GPHN: variants seen among roughly 807,000 people sequenced by gnomAD.
GPHN encodes gephyrin.
In GPHN, 17 loss-of-function variants were observed where a neutral mutation model predicts 95.5. The observed-to-expected ratio is 0.18, with a 90% CI of 0.12 to 0.27. The LOEUF (loss-of-function observed/expected upper bound fraction) is 0.27. Among genes scored for constraint, GPHN ranks in the 10% least tolerant of loss-of-function variants. The pLI, the probability that GPHN is intolerant of heterozygous loss-of-function variation, is 1.00. For missense variants in GPHN, 660 were observed against 978.1 expected, an observed-to-expected ratio of 0.67 and a Z score of 4.34; for synonymous variants, 320 against 322.5, an observed-to-expected ratio of 0.99 and a Z score of 0.08.
At chr14:66,872,766 G>A (rs1050472597) in intron 4 of GPHN, among the ~76,000 whole-genome samples, 8 of 151,772 alleles carry the variant, frequency 5.3e-5, no homozygotes, top group East Asian at 1.9e-4. Flanking sequence ...ATGGTGGTGC[G>A]CACCTGTAAT....
At chr14:67,146,017 A>C (rs1170818506) in intron 18 of GPHN, among the ~76,000 whole-genome samples, 1 of 152,238 alleles carries the variant, frequency 6.6e-6, no homozygotes, top group Non-Finnish European at 1.5e-5. Flanking sequence ...ACTGGTCTGC[A>C]CTGGATACAT....
At position 66,886,537 on chromosome 14, in the gene GPHN, AAAG is replaced by A. The variant is rs542368908; in HGVS notation, c.389+6510_389+6512del. On this transcript the variant is annotated intron_variant, in intron 5 of 22. Coordinates refer to ENST00000478722, the MANE Select transcript of GPHN (RefSeq NM_020806.5). ...AAAAACATGTATCCTTTAAAAAAAT[AAAG>A]AAGAAAAAAAAAAGAATAATGAAGA... is the stretch of plus-strand genomic sequence containing the variant. Among the ~76,000 whole-genome samples the A allele has an allele frequency of 1.6e-3, 241 of 152,234 alleles. 1 individual carries two copies. The Middle Eastern group carries it at 0.044, about 28-fold the overall frequency.
chr14:66,724,916 T>C (rs1032144992), intron 2 of GPHN, among the ~76,000 whole-genome samples: 14 of 152,152 alleles, frequency 9.2e-5, no homozygotes, highest in African/African-American at 2.9e-4. Context: ...GTACCTGATA[T>C]TGGAATTTTG....
chr14:67,573,239 T>C, the GPHN span: 4 of 1,336,792 alleles, frequency 3.0e-6, no homozygotes, highest in Non-Finnish European at 4.3e-6. The surrounding 1 kb of genome is among the most constrained non-coding windows in gnomAD (Gnocchi z 4.8). Flanking sequence ...CCCTGAGTGA[T>C]TTCCCCTTTC....
the GPHN span, among the ~76,000 whole-genome samples, chr14:67,702,925 C>A: frequency 6.6e-6 from 1 of 152,170 alleles, no homozygotes; most frequent in Non-Finnish European, 1.5e-5. Flanking sequence ...GTGATTCTCC[C>A]ACCTCAGCCT....
chr14:67,609,277 T>A, the GPHN span, among the ~76,000 whole-genome samples: 13 of 152,186 alleles, frequency 8.5e-5, no homozygotes, highest in Non-Finnish European at 1.5e-4. Flanking sequence ...TACTTACGCT[T>A]ACTGGTTTAT....
At chr14:66,525,625 G>C (rs2058659707) in intron 1 of GPHN, among the ~76,000 whole-genome samples, 2 of 152,088 alleles carry the variant, frequency 1.3e-5, no homozygotes, top group African/African-American at 4.8e-5. Flanking sequence ...TATGGTTTTA[G>C]GTCTTACATT....
intron 17 of GPHN, among the ~76,000 whole-genome samples, chr14:67,137,722 A>G (rs1403738249): frequency 6.6e-6 from 1 of 152,090 alleles, no homozygotes; most frequent in Non-Finnish European, 1.5e-5. Flanking sequence ...CTGTGATCAC[A>G]CCACTGCACT....
intron 10 of GPHN, among the ~76,000 whole-genome samples, chr14:67,057,414 G>GGGT (rs1555477491): frequency 6.6e-6 from 1 of 151,458 alleles, no homozygotes; most frequent in East Asian, 2.0e-4. Context: ...ACATGGGTGG[G>GGGT]GGGGGCAACA....
the GPHN span, among the ~76,000 whole-genome samples, chr14:67,724,817 G>A: frequency 7.2e-5 from 11 of 152,308 alleles, 1 homozygote; most frequent in South Asian, 2.3e-3. Flanking sequence ...GGAAAACGAT[G>A]TCTGTGTATA....
chr14:67,354,896 C>A, the GPHN span, among the ~76,000 whole-genome samples: 1 of 152,184 alleles, frequency 6.6e-6, no homozygotes, highest in Admixed American at 6.5e-5. Context: ...TCACTGCAAC[C>A]TCTGCCTCCC....
intron 3 of GPHN, among the ~76,000 whole-genome samples, chr14:66,798,777 C>T (rs1036116926): frequency 1.3e-5 from 2 of 151,156 alleles, no homozygotes; most frequent in African/African-American, 2.4e-5. Context: ...ATGTTTGTTT[C>T]ATTGATCTTT....
At chr14:67,277,256 T>C in the GPHN span, among the ~76,000 whole-genome samples, 1 of 120,874 alleles carries the variant, frequency 8.3e-6, no homozygotes, top group South Asian at 2.6e-4. Context: ...AGATCACAGT[T>C]AGAAAGAAGT....
At chr14:66,807,868 A>G (rs904486828) in intron 3 of GPHN, among the ~76,000 whole-genome samples, 9 of 152,230 alleles carry the variant, frequency 5.9e-5, no homozygotes, top group Non-Finnish European at 1.0e-4. Context: ...GCACATATGT[A>G]TGCATTCTTA....
At chr14:66,577,750 G>T (rs921542648) in intron 1 of GPHN, among the ~76,000 whole-genome samples, 1 of 151,840 alleles carries the variant, frequency 6.6e-6, no homozygotes, top group Non-Finnish European at 1.5e-5. Flanking sequence ...AAGGAATTTT[G>T]CATGAGGAGA....
At chr14:66,787,858 T>TTATATATATATATA (rs1555406304) in intron 3 of GPHN, among the ~76,000 whole-genome samples, 2 of 150,530 alleles carry the variant, frequency 1.3e-5, no homozygotes, top group African/African-American at 4.9e-5. Flanking sequence ...ATAAAAAGTA[T>TTATATATATATATA]TATATATATA....
intron 5 of GPHN, among the ~76,000 whole-genome samples, chr14:66,891,538 T>G (rs1361604439): frequency 6.6e-6 from 1 of 151,858 alleles, no homozygotes; most frequent in Non-Finnish European, 1.5e-5. Context: ...ACTAAAAAAC[T>G]CTTAGAAAAA....
intron 17 of GPHN, among the ~76,000 whole-genome samples, chr14:67,131,450 A>T (rs1567378552): frequency 6.6e-6 from 1 of 152,118 alleles, no homozygotes; most frequent in Non-Finnish European, 1.5e-5. Context: ...TTTCCATGAA[A>T]CCTAGAAACT....
chr14:66,644,519 C>A (rs2064621299), intron 1 of GPHN, among the ~76,000 whole-genome samples: 1 of 151,944 alleles, frequency 6.6e-6, no homozygotes, highest in Non-Finnish European at 1.5e-5. Flanking sequence ...TAGTAATAAA[C>A]ATAGTTATAG....
Sources: gnomAD v4.1 joint callset for allele counts (sites outside exome capture counted in the v4.1 genomes callset) on GRCh38, gnomAD v4.1.1 for gene constraint, Gnocchi (gnomAD v3.1) non-coding constraint, MANE v1.5 for transcripts, NCBI Gene and HGNC (gene_info 2026-07-23, HGNC 2026-07-21) for gene names.